The following SAMD4A variants were observed in gnomAD, a reference collection of about 807,000 sequenced individuals.
The protein encoded by SAMD4A is protein Smaug homolog 1.
A neutral mutation model predicts 81.3 loss-of-function variants in SAMD4A; 33 were observed. The ratio of observed to expected loss-of-function variants is 0.41; its 90% confidence interval spans 0.31 to 0.54. The LOEUF is 0.54. Among genes scored for constraint, SAMD4A ranks in the 20% least tolerant of loss-of-function variants. The probability of loss-of-function intolerance (pLI) is 0.37; values close to 1 mark genes in which losing one functional copy is unlikely to be tolerated. For synonymous variants in SAMD4A, 389 were observed against 382.1 expected (o/e 1.02, Z -0.21); for missense variants, 854 against 951.1 (o/e 0.90, Z 1.34).
intron 3 of SAMD4A, 80 bp from the exon 4 acceptor site, chr14:54,736,944 G>A: frequency 6.7e-7 from 1 of 1,500,726 alleles, no homozygotes; most frequent in Middle Eastern, 1.8e-4. Context: ...ATCTCTCAGG[G>A]TTAAGAGGTA....
chr14:54,692,953 T>C (rs2036487288), intron 2 of SAMD4A: 1 of 147,820 alleles, frequency 6.8e-6, no homozygotes, highest in African/African-American at 2.5e-5. Context: ...CTTCAACAGA[T>C]GTTTGCAAGA....
chr14:54,786,217 C>A (rs1323895855), intron 12 of SAMD4A, among the ~76,000 whole-genome samples: 1 of 152,194 alleles, frequency 6.6e-6, no homozygotes, highest in East Asian at 1.9e-4. Context: ...TAACATTATG[C>A]TGAGTGAAAC....
At chr14:54,569,396 T>G (rs892141197) in intron 2 of SAMD4A, among the ~76,000 whole-genome samples, 1 of 152,210 alleles carries the variant, frequency 6.6e-6, no homozygotes, top group Non-Finnish European at 1.5e-5. Flanking sequence ...GCTGGAAATC[T>G]TCACAGTTCT....
intron 11 of SAMD4A, among the ~76,000 whole-genome samples, chr14:54,778,995 A>G (rs935311989): frequency 4.6e-5 from 7 of 151,726 alleles, no homozygotes; most frequent in Non-Finnish European, 8.8e-5. Context: ...CCTTCCTCCC[A>G]AGGAGGCAGC....
chr14:54,615,642 A>G lies in SAMD4A; in HGVS notation c.196+47530A>G, dbSNP rs561820399. Reference sequence around the variant, plus strand: ...GTTCCACACAACCTATTTATAAATGAACTTTTAGAACACAAGTCATTCTGT... The same window carrying G: ...GTTCCACACAACCTATTTATAAATGGACTTTTAGAACACAAGTCATTCTGT... On this transcript the variant is annotated intron_variant, in intron 2 of 12. Coordinates refer to ENST00000554335, the MANE Select transcript of SAMD4A (RefSeq NM_015589.6). Among the ~76,000 whole-genome samples, 4 of 152,310 alleles carry G rather than the reference A, an allele frequency of 2.6e-5. No individual in the cohort carries two copies. In the South Asian group the frequency reaches 8.3e-4, roughly 32 times the overall value.
chr14:54,595,024 A>G (rs2033875783), intron 2 of SAMD4A, among the ~76,000 whole-genome samples: 1 of 152,206 alleles, frequency 6.6e-6, no homozygotes, highest in Non-Finnish European at 1.5e-5. Context: ...ATTCATTGAA[A>G]AAATACCTAC....
chr14:54,583,676 T>A (rs912169659), intron 2 of SAMD4A, among the ~76,000 whole-genome samples: 19 of 152,314 alleles, frequency 1.2e-4, no homozygotes, highest in Middle Eastern at 3.4e-3. Flanking sequence ...TGACACTCCT[T>A]GACAGTTTTA....
chr14:54,590,344 T>G (rs924533665), intron 2 of SAMD4A, among the ~76,000 whole-genome samples: 1 of 151,964 alleles, frequency 6.6e-6, no homozygotes, highest in African/African-American at 2.4e-5. Context: ...AAACAAAATT[T>G]GCTGGGCATG....
chr14:54,702,036 T>C, intron 2 of SAMD4A, 26 bp from the exon 3 acceptor site: 1 of 1,608,522 alleles, frequency 6.2e-7, no homozygotes, highest in South Asian at 1.1e-5. Flanking sequence ...TATTTGCTTA[T>C]TTGCCGTGTA....
chr14:54,736,752 G>C (rs778895022), intron 3 of SAMD4A, among the ~76,000 whole-genome samples: 4 of 152,206 alleles, frequency 2.6e-5, no homozygotes, highest in Non-Finnish European at 5.9e-5. Flanking sequence ...ACCAAAACCA[G>C]ATCCAGACCC....
At chr14:54,672,220 C>T (rs2035900024) in intron 2 of SAMD4A, among the ~76,000 whole-genome samples, 1 of 151,398 alleles carries the variant, frequency 6.6e-6, no homozygotes, top group East Asian at 1.9e-4. Flanking sequence ...CCACCACATC[C>T]AGCTGTTTTT....
chr14:54,687,662 G>A (rs2036311316), intron 2 of SAMD4A, among the ~76,000 whole-genome samples: 1 of 152,158 alleles, frequency 6.6e-6, no homozygotes, highest in Admixed American at 6.5e-5. Flanking sequence ...AAGGGGTCAG[G>A]AAGCTTCAGC....
At chr14:54,777,515 C>T (rs1432874284) in intron 11 of SAMD4A, among the ~76,000 whole-genome samples, 2 of 152,152 alleles carry the variant, frequency 1.3e-5, no homozygotes, top group African/African-American at 4.8e-5. Context: ...GCTGAGGTAG[C>T]AGAAAGTGGA....
At chr14:54,687,882 G>T in intron 2 of SAMD4A, 1 of 868,800 alleles carries the variant, frequency 1.2e-6, no homozygotes, top group Non-Finnish European at 1.4e-6. Flanking sequence ...TCAGGGCCAC[G>T]TGTCCCTGAA....
At chr14:54,650,053 G>A (rs1056446083) in intron 2 of SAMD4A, among the ~76,000 whole-genome samples, 4 of 152,114 alleles carry the variant, frequency 2.6e-5, no homozygotes, top group Admixed American at 6.5e-5. Context: ...GAACCGTAAG[G>A]GAATACATAT....
At chr14:54,717,482 ATGT>A (rs1480295542) in intron 3 of SAMD4A, among the ~76,000 whole-genome samples, 3 of 151,894 alleles carry the variant, frequency 2.0e-5, no homozygotes, top group Non-Finnish European at 4.4e-5. Flanking sequence ...CATGCCTATG[ATGT>A]TGTTATTCAT....
chr14:54,625,636 G>A (rs2034726540), intron 2 of SAMD4A, among the ~76,000 whole-genome samples: 1 of 152,166 alleles, frequency 6.6e-6, no homozygotes, highest in Non-Finnish European at 1.5e-5. Flanking sequence ...ATATTTGCAA[G>A]TTTCTCAGAG....
chr14:54,621,134 C>T (rs1437162359), intron 2 of SAMD4A, among the ~76,000 whole-genome samples: 3 of 152,106 alleles, frequency 2.0e-5, no homozygotes, highest in Admixed American at 6.5e-5. Flanking sequence ...TTGGTAGGCA[C>T]GACCTTTAAG....
chr14:54,780,845 G>T (rs1387609036), intron 11 of SAMD4A, among the ~76,000 whole-genome samples: 3 of 152,074 alleles, frequency 2.0e-5, no homozygotes, highest in African/African-American at 2.4e-5. Flanking sequence ...GGTCAACTCA[G>T]GGATGCTATT....
Sources: allele counts gnomAD v4.1 joint callset (sites outside exome capture counted in the v4.1 genomes callset), GRCh38; gene constraint gnomAD v4.1.1; transcripts MANE v1.5; gene names NCBI Gene and HGNC (gene_info 2026-07-23, HGNC 2026-07-21).